The following CNOT1 variants were observed in gnomAD, a reference collection of about 807,000 sequenced individuals.
CNOT1 encodes CCR4-NOT transcription complex subunit 1.
CNOT1 carries 15 observed loss-of-function variants against 273.8 expected under a neutral mutation model. The observed-to-expected ratio is 0.05, with a 90% confidence interval of 0.04 to 0.08. The LOEUF is 0.08. Among genes scored for constraint, CNOT1 ranks in the 10% least tolerant of loss-of-function variants. The probability of loss-of-function intolerance (pLI) is 1.00; values close to 1 mark genes in which losing one functional copy is unlikely to be tolerated. For synonymous variants in CNOT1, 1,022 were observed against 1,005.5 expected (o/e 1.02, Z -0.31); for missense variants, 1,644 against 2,912.2 (o/e 0.56, Z 10.02).
At position 58,555,154 on chromosome 16, in the gene CNOT1, G is replaced by T; in HGVS notation, c.2891+97C>A. On this transcript the variant is annotated intron_variant, in intron 21 of 48. Coordinates refer to ENST00000317147, the MANE Select transcript of CNOT1 (RefSeq NM_016284.5). Reference sequence around the variant, plus strand: ...GCCCGCAAGGTCAAGGCTGCAGTGAGCCGAGATTGCGCCACTGCACTCCAG... The same window carrying T: ...GCCCGCAAGGTCAAGGCTGCAGTGATCCGAGATTGCGCCACTGCACTCCAG... The T allele has an allele frequency of 4.6e-6, 7 of 1,515,446 alleles. No individual in the cohort carries two copies. In the South Asian group the frequency reaches 9.2e-5, roughly 20 times the overall value. The allele number at this position is 1,515,446 out of a possible 1,614,324, so 93.9% of individuals were successfully genotyped here.
At position 58,555,928 on chromosome 16, in the gene CNOT1, A is replaced by T. The variant is rs1203164846; in HGVS notation, c.2480-20T>A. On this transcript the variant is annotated intron_variant, in intron 19 of 48. Coordinates refer to ENST00000317147, the MANE Select transcript of CNOT1 (RefSeq NM_016284.5). ...AGTCCGCTGTTGGAAACAAAAAAGG[A>T]ATCAGTGGGCATTTAAGCCCTTCCT... The T allele has an allele frequency of 3.1e-6, 5 of 1,608,652 alleles. No individual in the cohort carries two copies. The East Asian group carries it at 1.1e-4, about 36-fold the overall frequency.
chr16:58,614,465 C>G (rs1377847118), intron 1 of CNOT1, among the ~76,000 whole-genome samples: 6 of 125,396 alleles, frequency 4.8e-5, no homozygotes, highest in African/African-American at 1.6e-4. Flanking sequence ...CAGAGGGTGC[C>G]TACAGGAACA....
rs1361812319 is a variant in CNOT1 at position 58,560,374 on chromosome 16, G to C, written c.1980-12C>G. 1.2e-6 allele frequency: 2 copies of C among 1,611,042 alleles called. No homozygotes were observed. The highest frequency in any genetic ancestry group is 1.7e-6 in the Non-Finnish European group (2 of 1,179,140). ...CCTGAGAAACACTCCTAAAATAGAG[G>C]GGAAAAGGTAAAAAATATCAGTTCC... On this transcript the variant is annotated splice_polypyrimidine_tract_variant and intron_variant, in intron 16 of 48. Coordinates refer to ENST00000317147, the MANE Select transcript of CNOT1 (RefSeq NM_016284.5).
At chr16:58,583,576 C>T (rs865787084) in intron 8 of CNOT1, among the ~76,000 whole-genome samples, 5 of 152,124 alleles carry the variant, frequency 3.3e-5, no homozygotes, top group Non-Finnish European at 7.4e-5. Flanking sequence ...CAAGTATTTC[C>T]GCTTGGGCTC....
intron 44 of CNOT1, among the ~76,000 whole-genome samples, chr16:58,526,511 T>TAAAAA (rs57367601): frequency 2.8e-4 from 23 of 80,814 alleles, no homozygotes; most frequent in African/African-American, 5.3e-4. Flanking sequence ...ACTTACTCCT[T>TAAAAA]AAAAAAAAAA....
At chr16:58,616,692 C>T (rs1436217868) in intron 1 of CNOT1, among the ~76,000 whole-genome samples, 1 of 152,060 alleles carries the variant, frequency 6.6e-6, no homozygotes, top group Non-Finnish European at 1.5e-5. Context: ...GTGAGAATGA[C>T]ATGATTATTT....
intron 35 of CNOT1, among the ~76,000 whole-genome samples, chr16:58,539,465 T>TTA (rs1389478875): frequency 2.3e-5 from 1 of 42,798 alleles, no homozygotes; most frequent in East Asian, 8.0e-4. Flanking sequence ...ACCCTGTCTC[T>TTA]TACACACACA....
chr16:58,602,772 G>GA (rs1290035715), intron 1 of CNOT1, among the ~76,000 whole-genome samples: 5 of 151,560 alleles, frequency 3.3e-5, no homozygotes, highest in African/African-American at 1.2e-4. Flanking sequence ...TTTTTAAAAA[G>GA]AAAAAACCAT....
At chr16:58,531,521 C>G (rs567254112) in intron 42 of CNOT1, among the ~76,000 whole-genome samples, 3 of 152,158 alleles carry the variant, frequency 2.0e-5, no homozygotes, top group African/African-American at 7.2e-5. Context: ...TCTGTAAAAC[C>G]AACAAGCTCC....
intron 16 of CNOT1, among the ~76,000 whole-genome samples, chr16:58,569,544 G>GT (rs1275522394): frequency 6.6e-6 from 1 of 151,172 alleles, no homozygotes; most frequent in South Asian, 2.1e-4. Flanking sequence ...ACAGAAATTC[G>GT]TTTTTTCCCA....
In CNOT1 at chr16:58,613,239, G is replaced by A. The variant is rs554573753; in HGVS notation, c.-174-13728C>T. Among the ~76,000 whole-genome samples, 3 of 151,932 alleles carry A rather than the reference G, an allele frequency of 2.0e-5. 1 individual carries two copies. The highest frequency in any genetic ancestry group is 2.0e-4 in the Admixed American group (3 of 15,220). ...AGTAGAGATGGGGTTTCATCATGTT[G>A]GCCAGGCTGGTCTTGAACTCCTGAC... On this transcript the variant is annotated intron_variant, in intron 1 of 48. Coordinates refer to ENST00000317147, the MANE Select transcript of CNOT1 (RefSeq NM_016284.5).
At chr16:58,587,487 C>G in intron 4 of CNOT1, 74 bp from the exon 5 acceptor site, 2 of 1,591,670 alleles carry the variant, frequency 1.3e-6, no homozygotes, top group Admixed American at 1.8e-5. Context: ...TATCTGTTTG[C>G]CCAAGGATGG....
chr16:58,627,825 G>T (rs1436118995), intron 1 of CNOT1, among the ~76,000 whole-genome samples: 1 of 152,008 alleles, frequency 6.6e-6, no homozygotes, highest in Non-Finnish European at 1.5e-5. Flanking sequence ...ATGTCTTTGC[G>T]CCTTCATTCT....
chr16:58,589,872 T>G (rs1004405282), intron 2 of CNOT1, among the ~76,000 whole-genome samples: 1 of 152,348 alleles, frequency 6.6e-6, no homozygotes, highest in East Asian at 1.9e-4. Flanking sequence ...CAGATGGCTA[T>G]ACATGGTTTG....
chr16:58,542,084 C>A, intron 33 of CNOT1, 147 bp downstream of exon 33: 1 of 974,418 alleles, frequency 1.0e-6, no homozygotes, highest in Non-Finnish European at 1.5e-6. Context: ...CACAGGCAGC[C>A]ATTCAGTGAA....
chr16:58,582,942 T>A (rs1228342136), intron 9 of CNOT1, 39 bp from the exon 10 acceptor site: 2 of 1,613,148 alleles, frequency 1.2e-6, no homozygotes, highest in Non-Finnish European at 1.7e-6. Flanking sequence ...ACCCAACTAC[T>A]CCATGTGTTC....
At chr16:58,587,954 A>G (rs2041929473) in intron 3 of CNOT1, 76 bp from the exon 4 acceptor site, 1 of 1,396,218 alleles carries the variant, frequency 7.2e-7, no homozygotes, top group Admixed American at 1.9e-5. Flanking sequence ...TACTCAGAAC[A>G]TTAAAATGTG....
chr16:58,521,773 G>A (rs1042043750), intron 47 of CNOT1, among the ~76,000 whole-genome samples: 1 of 152,046 alleles, frequency 6.6e-6, no homozygotes, highest in Non-Finnish European at 1.5e-5. Context: ...CCAACATGGT[G>A]AAACCCCATC....
At chr16:58,607,976 A>G (rs1450330319) in intron 1 of CNOT1, among the ~76,000 whole-genome samples, 3 of 151,972 alleles carry the variant, frequency 2.0e-5, no homozygotes, top group Non-Finnish European at 4.4e-5. Context: ...GTTTGAGACC[A>G]GCTTGGCCAA....
Sources: gnomAD v4.1 joint callset for allele counts (sites outside exome capture counted in the v4.1 genomes callset) on GRCh38, gnomAD v4.1.1 for gene constraint, MANE v1.5 for transcripts, NCBI Gene and HGNC (gene_info 2026-07-23, HGNC 2026-07-21) for gene names.